TLL1: variants seen among roughly 807,000 people sequenced by gnomAD.
TLL1 encodes the protein tolloid like 1, also known as tolloid-like protein 1.
In TLL1, 49 loss-of-function variants were observed where a neutral mutation model predicts 128.2. That is an observed-to-expected ratio of 0.38 (90% confidence interval 0.30 to 0.48). TLL1 has a LOEUF of 0.48. TLL1 is among the 20% of genes least tolerant of loss of function. The pLI is 0.96. For missense variants in TLL1, 1,123 were observed against 1,242.0 expected (o/e 0.90, Z 1.44); for synonymous variants, 454 against 418.8 (o/e 1.08, Z -1.03).
At chr4:165,967,247 A>G (rs1475842199) in intron 1 of TLL1, among the ~76,000 whole-genome samples, 1 of 152,196 alleles carries the variant, frequency 6.6e-6, no homozygotes, top group Non-Finnish European at 1.5e-5. Context: ...TTGGATGCCC[A>G]GATTTCATAT....
Position 166,060,157 on chromosome 4 carries a change from A to G in TLL1, c.1976A>G (p.Lys659Arg). 2 of 1,613,758 alleles carry G rather than the reference A, an allele frequency of 1.2e-6. No homozygotes were observed. Among genetic ancestry groups the G allele is most frequent in the Non-Finnish European group, 1.7e-6 (2 of 1,179,832 alleles). ...VAPTQYRISV[K>R]FEFFELEGNE... ...CCAACCCAGTACAGAATTTCTGTGAAGTTTGAGTTTTTTGAATTGGAAGGC... is the reference window on the plus strand; with the variant it reads ...CCAACCCAGTACAGAATTTCTGTGAGGTTTGAGTTTTTTGAATTGGAAGGC... Residue 659 changes from lysine (K) to arginine (R), a missense_variant, in exon 15 of 21, where the codon AAG becomes AGG. Around this residue, in one of 3 missense-constraint regions of TLL1, gnomAD observed 634 missense variants for 672.4 expected, o/e 0.94. Coordinates refer to ENST00000061240, the MANE Select transcript of TLL1 (RefSeq NM_012464.5).
intron 1 of TLL1, among the ~76,000 whole-genome samples, chr4:165,905,869 C>A (rs576463359): frequency 2.0e-5 from 3 of 152,286 alleles, no homozygotes; most frequent in Non-Finnish European, 2.9e-5. Flanking sequence ...TTTTCTGACT[C>A]ATTTCCCAGT....
chr4:166,079,364 G>T (rs1040732449), intron 18 of TLL1, among the ~76,000 whole-genome samples: 3 of 151,982 alleles, frequency 2.0e-5, no homozygotes, highest in African/African-American at 7.3e-5. Context: ...TTTATATTTT[G>T]TATAAAGTAT....
chr4:165,951,942 T>C (rs189756612), intron 1 of TLL1, among the ~76,000 whole-genome samples: 65 of 152,298 alleles, frequency 4.3e-4, no homozygotes, highest in African/African-American at 1.5e-3. Context: ...GCACTACTAA[T>C]CTACTTTGTA....
chr4:165,950,638 A>G (rs1734466827), intron 1 of TLL1, among the ~76,000 whole-genome samples: 1 of 152,084 alleles, frequency 6.6e-6, no homozygotes, highest in South Asian at 2.1e-4. Flanking sequence ...GAAATATTAA[A>G]TAACGTATAT....
At chr4:165,966,267 T>A (rs1735369462) in intron 1 of TLL1, among the ~76,000 whole-genome samples, 2 of 151,244 alleles carry the variant, frequency 1.3e-5, no homozygotes, top group South Asian at 4.2e-4. Context: ...AAAGCCATGA[T>A]CACTAGACGA....
At chr4:166,078,060 T>G (rs755577138) in intron 18 of TLL1, 30 bp downstream of exon 18, 1 of 1,612,158 alleles carries the variant, frequency 6.2e-7, no homozygotes, top group Admixed American at 1.7e-5. Context: ...TTCTTTCCAT[T>G]AAGCTGACTG....
chr4:166,024,310 A>G (rs1260921025), intron 8 of TLL1, among the ~76,000 whole-genome samples: 1 of 152,160 alleles, frequency 6.6e-6, no homozygotes, highest in Non-Finnish European at 1.5e-5. Context: ...TAGAAGATCC[A>G]TTTATAATTT....
intron 16 of TLL1, among the ~76,000 whole-genome samples, chr4:166,067,081 A>G (rs895965947): frequency 1.3e-5 from 2 of 151,806 alleles, no homozygotes; most frequent in Admixed American, 6.6e-5. Flanking sequence ...ACTAGTGAGT[A>G]CTGTGTTCAC....
At chr4:165,941,408 A>T (rs1734000726) in intron 1 of TLL1, among the ~76,000 whole-genome samples, 1 of 152,126 alleles carries the variant, frequency 6.6e-6, no homozygotes, top group African/African-American at 2.4e-5. Context: ...AATCATTTGA[A>T]AGCATAGATA....
Position 165,924,979 on chromosome 4 carries a change from A to G in TLL1, c.169+50906A>G, listed in dbSNP as rs1319238040. Among the ~76,000 whole-genome samples the G allele has an allele frequency of 4.6e-5, 7 of 152,306 alleles. No homozygotes were observed. In the East Asian group the frequency reaches 1.2e-3, roughly 25 times the overall value. On this transcript the variant is annotated intron_variant, in intron 1 of 20. Transcript: ENST00000061240. ...TTACAGCATGGTTTATTGAATATTTAAGTCCACTGTGGAGACTTACTGCTC... is the reference window on the plus strand; with the variant it reads ...TTACAGCATGGTTTATTGAATATTTGAGTCCACTGTGGAGACTTACTGCTC...
Position 166,033,800 on chromosome 4 carries a change from G to A in TLL1, c.1159-5539G>A, listed in dbSNP as rs138900657. Among the ~76,000 whole-genome samples, 16 of 152,250 alleles carry A rather than the reference G, an allele frequency of 1.1e-4. No individual in the cohort carries two copies. In the East Asian group the frequency reaches 1.2e-3, roughly 11 times the overall value. ...CTGGCAACAATCCAAAATGTGCAGC[G>A]AAGAGGGTAGCTGTGTTGAGCTGAT... On this transcript the variant is annotated intron_variant, in intron 9 of 20. Transcript: ENST00000061240.
At chr4:166,053,494 G>A (rs74615794) in intron 12 of TLL1, among the ~76,000 whole-genome samples, 10,449 of 152,102 alleles carry the variant, frequency 0.069, 509 homozygotes, top group African/African-American at 0.13. Context: ...AGTGCCTAGT[G>A]GAGAGTAGGC....
At chr4:165,965,766 T>C (rs901652876) in intron 1 of TLL1, among the ~76,000 whole-genome samples, 1 of 152,234 alleles carries the variant, frequency 6.6e-6, no homozygotes, top group Non-Finnish European at 1.5e-5. Flanking sequence ...GTATCTTCTA[T>C]TCATACTTTA....
chr4:166,093,400 TTA>T (rs1167047093), intron 19 of TLL1, among the ~76,000 whole-genome samples: 2 of 152,150 alleles, frequency 1.3e-5, no homozygotes, highest in African/African-American at 2.4e-5. Flanking sequence ...TAGGCCAGAT[TTA>T]TGTTTCTCTC....
intron 1 of TLL1, among the ~76,000 whole-genome samples, chr4:165,875,257 A>G (rs185747640): frequency 2.0e-4 from 30 of 152,228 alleles, no homozygotes; most frequent in Admixed American, 5.9e-4. Context: ...CCATAACTAG[A>G]TAAGCATTAT....
intron 19 of TLL1, among the ~76,000 whole-genome samples, chr4:166,099,049 A>AG (rs1742158774): frequency 1.3e-5 from 2 of 152,098 alleles, no homozygotes; most frequent in South Asian, 4.1e-4. Flanking sequence ...AGAGTCACAG[A>AG]GCCAGCAGGC....
rs1335773960 is a variant in TLL1 at position 166,100,902 on chromosome 4, A to T, written c.*26A>T. 1 of 1,611,380 alleles carries T rather than the reference A, an allele frequency of 6.2e-7. No homozygotes were observed. The highest frequency in any genetic ancestry group is 8.5e-7 in the Non-Finnish European group (1 of 1,178,584). On this transcript the variant is annotated 3_prime_UTR_variant, in exon 21 of 21. Coordinates refer to ENST00000061240, the MANE Select transcript of TLL1 (RefSeq NM_012464.5). ...CACCAAAACCTCTGTCAGAACACAA[A>T]GGAATGTGCATAATGGAGAGAAGAC...
At chr4:165,969,737 T>G (rs1222810800) in intron 1 of TLL1, among the ~76,000 whole-genome samples, 1 of 152,142 alleles carries the variant, frequency 6.6e-6, no homozygotes, top group Non-Finnish European at 1.5e-5. Flanking sequence ...GTCATGAAAA[T>G]AGAGCACAAG....
Sources: gnomAD v4.1 joint callset for allele counts (sites outside exome capture counted in the v4.1 genomes callset) on GRCh38, gnomAD v4.1.1 for gene constraint, gnomAD v4.1.1 regional missense constraint, MANE v1.5 for transcripts, NCBI Gene and HGNC (gene_info 2026-07-23, HGNC 2026-07-21) for gene names.